The following TRPM3 variants were observed in gnomAD, a reference collection of about 807,000 sequenced individuals.
TRPM3 encodes long transient receptor potential channel 3.
TRPM3 carries 77 observed loss-of-function variants against 181.2 expected under a neutral mutation model. The observed-to-expected ratio is 0.42, with a 90% CI of 0.35 to 0.51. The LOEUF (loss-of-function observed/expected upper bound fraction) is 0.51, where lower values mean the gene tolerates loss of function less well. Among genes scored for constraint, TRPM3 ranks in the 20% least tolerant of loss-of-function variants. The pLI is 0.01. For synonymous variants in TRPM3, 745 were observed against 796.4 expected (o/e 0.94, Z 1.09); for missense variants, 1,759 against 2,196.7 (o/e 0.80, Z 3.98).
chr9:71,268,159 C>T (rs1349072079), intron 1 of TRPM3, among the ~76,000 whole-genome samples: 4 of 151,934 alleles, frequency 2.6e-5, no homozygotes, highest in African/African-American at 9.7e-5. Context: ...AGCAGTTGGA[C>T]CACATGAGGT....
At chr9:70,754,150 C>T (rs139965190) in intron 8 of TRPM3, among the ~76,000 whole-genome samples, 4 of 152,272 alleles carry the variant, frequency 2.6e-5, no homozygotes, top group Non-Finnish European at 5.9e-5. Flanking sequence ...GAGGCAGCAG[C>T]AGAAAAGGAG....
intron 1 of TRPM3, among the ~76,000 whole-genome samples, chr9:71,298,362 T>G (rs1391743202): frequency 6.6e-6 from 1 of 152,102 alleles, no homozygotes; most frequent in Non-Finnish European, 1.5e-5. Context: ...CACTGAGATA[T>G]TTGTCTAAGC....
chr9:71,033,379 T>C (rs887355050), intron 1 of TRPM3, among the ~76,000 whole-genome samples: 1 of 151,708 alleles, frequency 6.6e-6, no homozygotes, highest in African/African-American at 2.4e-5. Context: ...CAAGATGACA[T>C]ACATAAAAAT....
intron 1 of TRPM3, among the ~76,000 whole-genome samples, chr9:70,890,695 A>C (rs1477551087): frequency 6.6e-6 from 1 of 152,130 alleles, no homozygotes; most frequent in Non-Finnish European, 1.5e-5. Context: ...AAAATAAATA[A>C]ATGTTAGTTC....
intron 1 of TRPM3, among the ~76,000 whole-genome samples, chr9:70,888,207 G>T (rs1329070457): frequency 1.3e-5 from 2 of 152,164 alleles, no homozygotes; most frequent in African/African-American, 2.4e-5. Flanking sequence ...ACTAAAGGAG[G>T]TTTTAGCTTC....
intron 1 of TRPM3, among the ~76,000 whole-genome samples, chr9:71,106,336 C>T (rs1422473257): frequency 6.6e-6 from 1 of 152,054 alleles, no homozygotes; most frequent in Non-Finnish European, 1.5e-5. Context: ...GTATTTTGGT[C>T]ATGAGGGCAG....
intron 1 of TRPM3, among the ~76,000 whole-genome samples, chr9:71,000,290 G>A (rs904366025): frequency 3.7e-4 from 56 of 152,256 alleles, no homozygotes; most frequent in African/African-American, 1.3e-3. Flanking sequence ...ATTCTATTTG[G>A]CTGAACACTG....
intron 9 of TRPM3, among the ~76,000 whole-genome samples, chr9:70,643,439 T>C (rs2058371065): frequency 6.6e-6 from 1 of 152,114 alleles, no homozygotes; most frequent in Non-Finnish European, 1.5e-5. Context: ...GTTATTGAGG[T>C]CAAGGTGAGC....
intron 17 of TRPM3, among the ~76,000 whole-genome samples, chr9:70,617,211 C>A (rs1402401282): frequency 6.6e-6 from 1 of 152,182 alleles, no homozygotes; most frequent in Admixed American, 6.5e-5. Context: ...GGGGACATGA[C>A]ACCCTGTCCT....
chr9:70,938,729 G>C (rs776716743), intron 1 of TRPM3, among the ~76,000 whole-genome samples: 1 of 152,038 alleles, frequency 6.6e-6, no homozygotes, highest in Non-Finnish European at 1.5e-5. Flanking sequence ...GAGGTGGGTG[G>C]ATCACGAGGT....
chr9:70,659,568 G>C (rs1410592598), intron 9 of TRPM3, among the ~76,000 whole-genome samples: 1 of 152,114 alleles, frequency 6.6e-6, no homozygotes, highest in Non-Finnish European at 1.5e-5. Flanking sequence ...AAGCAAATCT[G>C]TCCTACCATG....
At chr9:71,421,483 T>C (rs530382140) in intron 1 of TRPM3, among the ~76,000 whole-genome samples, 18 of 152,110 alleles carry the variant, frequency 1.2e-4, no homozygotes, top group Non-Finnish European at 2.1e-4. Flanking sequence ...AAAATGTTCC[T>C]GCCTAGAGAT....
intron 5 of TRPM3, among the ~76,000 whole-genome samples, chr9:70,841,071 A>G (rs2094597308): frequency 6.6e-6 from 1 of 152,154 alleles, no homozygotes; most frequent in Non-Finnish European, 1.5e-5. Context: ...TGGTGCAGAA[A>G]TGATTTTGGT....
At chr9:70,942,812 A>G (rs2096898432) in intron 1 of TRPM3, among the ~76,000 whole-genome samples, 1 of 152,200 alleles carries the variant, frequency 6.6e-6, no homozygotes, top group Non-Finnish European at 1.5e-5. Context: ...AAAAGCTAAT[A>G]AAGAACACAA....
intron 1 of TRPM3, among the ~76,000 whole-genome samples, chr9:71,246,423 A>T (rs1399916848): frequency 1.3e-5 from 2 of 152,188 alleles, no homozygotes; most frequent in Non-Finnish European, 2.9e-5. Flanking sequence ...AACTCAATAA[A>T]ATTATTTAAG....
intron 1 of TRPM3, among the ~76,000 whole-genome samples, chr9:70,869,906 T>C (rs1024404830): frequency 1.3e-5 from 2 of 152,080 alleles, no homozygotes; most frequent in Non-Finnish European, 2.9e-5. Context: ...GTGAATATTT[T>C]AGATAATAGT....
intron 9 of TRPM3, among the ~76,000 whole-genome samples, chr9:70,643,136 C>T (rs541915911): frequency 5.0e-4 from 76 of 152,300 alleles, no homozygotes; most frequent in African/African-American, 1.8e-3. Flanking sequence ...CAGGTAACAA[C>T]AGGGACTGCA....
chr9:71,215,182 C>T (rs2079787648), intron 1 of TRPM3, among the ~76,000 whole-genome samples: 1 of 152,094 alleles, frequency 6.6e-6, no homozygotes, highest in Non-Finnish European at 1.5e-5. Flanking sequence ...TCCCTCAACA[C>T]TACTGCCATT....
At chr9:70,943,171 G>C (rs545450117) in intron 1 of TRPM3, among the ~76,000 whole-genome samples, 40 of 152,262 alleles carry the variant, frequency 2.6e-4, no homozygotes, top group African/African-American at 9.6e-4. Context: ...TAATGGATTA[G>C]GTGACTCACA....
Sources: gnomAD v4.1 joint callset for allele counts (sites outside exome capture counted in the v4.1 genomes callset) on GRCh38, gnomAD v4.1.1 for gene constraint, MANE v1.5 for transcripts, NCBI Gene and HGNC (gene_info 2026-07-23, HGNC 2026-07-21) for gene names.